The following ZC3H4 variants were observed in gnomAD, a reference collection of about 807,000 sequenced individuals.
The protein encoded by ZC3H4 is zinc finger CCCH domain-containing protein 4.
In ZC3H4, 13 loss-of-function variants were observed where a neutral mutation model predicts 108.3. That is an observed-to-expected ratio of 0.12 (90% confidence interval 0.08 to 0.19). ZC3H4 has a LOEUF of 0.19. Among genes scored for constraint, ZC3H4 ranks in the 10% least tolerant of loss-of-function variants. The pLI, the probability that ZC3H4 is intolerant of heterozygous loss-of-function variation, is 1.00. For synonymous variants in ZC3H4, 917 were observed against 749.6 expected, an observed-to-expected ratio of 1.22 and a Z score of -3.65; for missense variants, 1,734 against 1,838.8, an observed-to-expected ratio of 0.94 and a Z score of 1.04.
At chr19:47,103,835 T>C (rs182189980) in intron 2 of ZC3H4, among the ~76,000 whole-genome samples, 2,340 of 150,268 alleles carry the variant, frequency 0.016, 48 homozygotes, top group African/African-American at 0.045. Flanking sequence ...TCCCAGCTAC[T>C]CAGGAGGCTG....
intron 5 of ZC3H4, among the ~76,000 whole-genome samples, chr19:47,086,739 G>A (rs552408543): frequency 6.6e-6 from 1 of 152,220 alleles, no homozygotes; most frequent in African/African-American, 2.4e-5. Flanking sequence ...GGGTCCCTCA[G>A]CACCCCAGAC....
In ZC3H4 at chr19:47,066,566, G is replaced by A; in HGVS notation, c.3702C>T (p.Ala1234=). 6.3e-7 allele frequency: 1 copy of A among 1,581,780 alleles called. No individual in the cohort carries two copies. ...KAAAAPAATT[A]TPPPEGAPPQ... ...GTGGGGCACCCTCGGGGGGTGGGGTGGCGGTGGTGGCAGCGGGGGCTGCAG... is the reference window on the plus strand; with the variant it reads ...GTGGGGCACCCTCGGGGGGTGGGGTAGCGGTGGTGGCAGCGGGGGCTGCAG... The change falls in exon 15 of 15, where the codon GCC becomes GCT. Residue 1234 remains alanine, a synonymous_variant. Coordinates refer to ENST00000253048, the MANE Select transcript of ZC3H4 (RefSeq NM_015168.2).
At position 47,100,091 on chromosome 19, in the gene ZC3H4, C is replaced by T. The variant is rs559670687; in HGVS notation, c.162-5483G>A. Among the ~76,000 whole-genome samples the T allele has an allele frequency of 1.6e-4, 24 of 152,276 alleles. No individual in the cohort carries two copies. In the South Asian group the frequency reaches 3.7e-3, roughly 24 times the overall value. Reference sequence around the variant, plus strand: ...TAACAACCAGCCTAAATGCAGAAGTCCAGGATCCCCAAGTCCGATTCTGCG... The same window carrying T: ...TAACAACCAGCCTAAATGCAGAAGTTCAGGATCCCCAAGTCCGATTCTGCG... On this transcript the variant is annotated intron_variant, in intron 2 of 14. Coordinates refer to ENST00000253048, the MANE Select transcript of ZC3H4 (RefSeq NM_015168.2).
At position 47,085,199 on chromosome 19, in the gene ZC3H4, T is replaced by C. The variant is rs372096669; in HGVS notation, c.968-4A>G. The C allele has an allele frequency of 2.9e-5, 46 of 1,601,022 alleles. No homozygotes were observed. Among genetic ancestry groups the C allele is most frequent in the South Asian group, 5.5e-5 (5 of 90,834 alleles). On this transcript the variant is annotated splice_polypyrimidine_tract_variant and splice_region_variant and intron_variant, in intron 7 of 14. Transcript: ENST00000253048. ...CTGCCACGGCCTCGACTTAGCCCTGTGGAGGGGAGATTGTGTGAAGACCTG... is the reference window on the plus strand; with the variant it reads ...CTGCCACGGCCTCGACTTAGCCCTGCGGAGGGGAGATTGTGTGAAGACCTG...
chr19:47,067,776 C>T lies in ZC3H4; in HGVS notation c.2492G>A (p.Arg831Gln), dbSNP rs761586146. The T allele has an allele frequency of 4.4e-6, 7 of 1,609,178 alleles. No individual in the cohort carries two copies. Among genetic ancestry groups the T allele is most frequent in the Non-Finnish European group, 5.9e-6 (7 of 1,178,564 alleles). The change falls in exon 15 of 15, where the codon CGA becomes CAA. Residue 831 changes from arginine to glutamine, a missense_variant. Arg to Gln is a conservative substitution (Grantham distance 43). This residue lies in a region of ZC3H4 where 540 missense variants were observed against 484.1 expected (regional missense o/e 1.12). Coordinates refer to ENST00000253048, the MANE Select transcript of ZC3H4 (RefSeq NM_015168.2). This position sits in a 1 kb window ranked among gnomAD's most constrained non-coding sequence, Gnocchi z 6.4. ...LKTLRQQTSSRPPASVGELSS... is the reference protein window; with the variant it reads ...LKTLRQQTSSQPPASVGELSS... ...CAGCTCCCCAACTGAAGCCGGGGGT[C>T]GGCTGGACGTCTGCTGCCTCAAGGT...
rs756013281 is a variant in ZC3H4 at position 47,072,737 on chromosome 19, A to G, written c.1441-24T>C. On this transcript the variant is annotated intron_variant, in intron 11 of 14. Coordinates refer to ENST00000253048, the MANE Select transcript of ZC3H4 (RefSeq NM_015168.2). This position sits in a 1 kb window ranked among gnomAD's most constrained non-coding sequence, Gnocchi z 5.6. ...ATCTGCGGGTGTGAAAGAACAAAAG[A>G]AGGTGTGGACGGGGTCAGGATGGAA... is the stretch of plus-strand genomic sequence containing the variant. The G allele has an allele frequency of 1.1e-5, 18 of 1,612,080 alleles. No individual in the cohort carries two copies. The highest frequency in any genetic ancestry group is 1.5e-5 in the Non-Finnish European group (18 of 1,179,832).
chr19:47,074,004 G>C (rs116191783), intron 11 of ZC3H4, among the ~76,000 whole-genome samples: 2,293 of 152,168 alleles, frequency 0.015, 47 homozygotes, highest in African/African-American at 0.045. Context: ...TAGGTATCTG[G>C]GGACGACTGG....
At chr19:47,081,414 G>A (rs1421248738) in intron 11 of ZC3H4, 99 bp downstream of exon 11, 1 of 907,756 alleles carries the variant, frequency 1.1e-6, no homozygotes, top group Non-Finnish European at 1.8e-6. Flanking sequence ...ACCAAACTGG[G>A]CACTGCAGAG....
chr19:47,112,586 G>C lies in ZC3H4; in HGVS notation c.-2C>G. ...GGGGGTCCCGGGCGCGGCCTCCATA[G>C]TTCCTTTGGGGGGGAGGGGATGTTA... is the stretch of plus-strand genomic sequence containing the variant. On this transcript the variant is annotated 5_prime_UTR_variant, in exon 2 of 15. Transcript: ENST00000253048. 8.3e-7 allele frequency: 1 copy of C among 1,203,414 alleles called. No homozygotes were observed. The highest frequency in any genetic ancestry group is 1.0e-6 in the Non-Finnish European group (1 of 959,436). The allele number at this position is 1,203,414 out of a possible 1,614,324, so 74.5% of individuals were successfully genotyped here.
chr19:47,067,151 G>C lies in ZC3H4; in HGVS notation c.3117C>G (p.Asn1039Lys). 6.2e-7 allele frequency: 1 copy of C among 1,612,054 alleles called. No individual in the cohort carries two copies. Among genetic ancestry groups the C allele is most frequent in the Non-Finnish European group, 8.5e-7 (1 of 1,178,906 alleles). The change falls in exon 15 of 15, where the codon AAC (asparagine) becomes AAG (lysine). Residue 1039 changes from asparagine (N) to lysine (K), a missense_variant. By Grantham distance (94) the Asn-to-Lys change is moderately conservative. Around this residue, in one of 9 missense-constraint regions of ZC3H4, gnomAD observed 518 missense variants for 499.6 expected, o/e 1.04. Coordinates refer to ENST00000253048, the MANE Select transcript of ZC3H4 (RefSeq NM_015168.2). The surrounding 1 kb of genome is among the most constrained non-coding windows in gnomAD (Gnocchi z 6.4). ...ASTDSSTQGA[N>K]LPDFELLSRI... ...GAGACAGAAGTTCAAAGTCGGGGAG[G>C]TTGGCGCCCTGTGTGCTGGAATCCG...
In ZC3H4 at chr19:47,066,292, C is replaced by T; in HGVS notation, c.*64G>A. On this transcript the variant is annotated 3_prime_UTR_variant, in exon 15 of 15. Coordinates refer to ENST00000253048, the MANE Select transcript of ZC3H4 (RefSeq NM_015168.2). ...CCTCCCCTTGCCCCCAAGTTCCCTA[C>T]CCTGGGTGCTGCCCTGAATGCCACC... is the stretch of plus-strand genomic sequence containing the variant. 7.2e-7 allele frequency: 1 copy of T among 1,380,626 alleles called. No homozygotes were observed. Among genetic ancestry groups the T allele is most frequent in the Middle Eastern group, 2.7e-4 (1 of 3,724 alleles). 85.5% of individuals were successfully genotyped at this position (1,380,626 alleles called of 1,614,324 possible).
intron 2 of ZC3H4, among the ~76,000 whole-genome samples, chr19:47,102,345 C>T (rs2057914153): frequency 1.3e-5 from 2 of 152,178 alleles, no homozygotes; most frequent in Admixed American, 1.3e-4. Context: ...ATTTGCTAAA[C>T]AGGTCAACTG....
At chr19:47,092,406 A>T (rs370255097) in intron 4 of ZC3H4, among the ~76,000 whole-genome samples, 2 of 152,296 alleles carry the variant, frequency 1.3e-5, no homozygotes, top group South Asian at 2.1e-4. Context: ...TGAAGGCCAA[A>T]CCTACACCAG....
rs767753953 is a variant in ZC3H4, at chr19:47,082,180, A to T, written c.1330+4T>A. The T allele has an allele frequency of 7.1e-5, 115 of 1,609,408 alleles. No individual in the cohort carries two copies. The highest frequency in any genetic ancestry group is 9.8e-5 in the Non-Finnish European group (115 of 1,175,774). On this transcript the variant is annotated splice_donor_region_variant and intron_variant, in intron 10 of 14. Transcript: ENST00000253048. Reference sequence around the variant, plus strand: ...TCAGACCAGATGCTGGCACTAAAGGATATCGTGCATATAAGGGCAGTTCTC... The same window carrying T: ...TCAGACCAGATGCTGGCACTAAAGGTTATCGTGCATATAAGGGCAGTTCTC...
At chr19:47,093,299 A>G (rs1008469607) in intron 4 of ZC3H4, among the ~76,000 whole-genome samples, 17 of 152,116 alleles carry the variant, frequency 1.1e-4, no homozygotes, top group Admixed American at 1.0e-3. Flanking sequence ...AAACTGAACA[A>G]ATAATTTAAA....
In ZC3H4 at chr19:47,072,014, T is replaced by G. The variant is rs752881074; in HGVS notation, c.1910A>C (p.His637Pro). ...GTGCATGTCAGGGTGCATGTCCGGG[T>G]GCATGTCGGGGTGCATGTCAGGATG... Reference protein sequence around the residue: ...PMHPDMHPDMHPDMHPDMHAD... With the variant: ...PMHPDMHPDMPPDMHPDMHAD... The change falls in exon 13 of 15, where the codon CAC becomes CCC. Residue 637 changes from histidine to proline, a missense_variant. His to Pro is a moderately conservative substitution (Grantham distance 77). Coordinates refer to ENST00000253048, the MANE Select transcript of ZC3H4 (RefSeq NM_015168.2). The surrounding 1 kb of genome is among the most constrained non-coding windows in gnomAD (Gnocchi z 5.6). 6.3e-7 allele frequency: 1 copy of G among 1,592,342 alleles called. No homozygotes were observed. The highest frequency in any genetic ancestry group is 1.3e-5 in the African/African-American group (1 of 74,490).
chr19:47,098,780 A>G (rs1312776256), intron 2 of ZC3H4, among the ~76,000 whole-genome samples: 2 of 152,156 alleles, frequency 1.3e-5, no homozygotes, highest in Non-Finnish European at 2.9e-5. Flanking sequence ...AACAAAACAA[A>G]ACAAAAGATA....
At chr19:47,106,280 G>C (rs2057967209) in intron 2 of ZC3H4, among the ~76,000 whole-genome samples, 1 of 152,188 alleles carries the variant, frequency 6.6e-6, no homozygotes, top group African/African-American at 2.4e-5. Context: ...ATCCCGTGTG[G>C]AGAGAACATG....
At chr19:47,092,075 T>C (rs926347483) in intron 4 of ZC3H4, among the ~76,000 whole-genome samples, 10 of 151,374 alleles carry the variant, frequency 6.6e-5, no homozygotes, top group African/African-American at 2.4e-4. Context: ...CTTGGCGTTA[T>C]GGCCCATGGT....
Sources: allele counts gnomAD v4.1 joint callset (sites outside exome capture counted in the v4.1 genomes callset), GRCh38; gene constraint gnomAD v4.1.1; regional missense constraint gnomAD v4.1.1; non-coding constraint Gnocchi (gnomAD v3.1); transcripts MANE v1.5; gene names NCBI Gene and HGNC (gene_info 2026-07-23, HGNC 2026-07-21).